The following TMEM132C variants were observed in gnomAD, a reference collection of about 807,000 sequenced individuals.
TMEM132C encodes the protein protein phosphatase 1, regulatory subunit 152.
Under a neutral mutation model 61.4 loss-of-function variants are expected in TMEM132C, and 29 were observed. That is an observed-to-expected ratio of 0.47 (90% confidence interval 0.35 to 0.64). The LOEUF (loss-of-function observed/expected upper bound fraction) is 0.64, where lower values mean the gene tolerates loss of function less well. TMEM132C is among the 30% of genes least tolerant of loss of function. The probability of loss-of-function intolerance (pLI) is 0.00; values close to 1 mark genes in which losing one functional copy is unlikely to be tolerated. For synonymous variants in TMEM132C, 656 were observed against 633.1 expected (o/e 1.04, Z -0.54); for missense variants, 1,408 against 1,476.9 (o/e 0.95, Z 0.76).
chr12:128,515,848 A>G (rs2136122797), intron 2 of TMEM132C, among the ~76,000 whole-genome samples: 1 of 151,808 alleles, frequency 6.6e-6, no homozygotes, highest in East Asian at 1.9e-4. Context: ...AAAAAAAAAA[A>G]GTATCTTTGA....
chr12:128,649,994 T>C (rs1342528437), intron 4 of TMEM132C, among the ~76,000 whole-genome samples: 2 of 152,154 alleles, frequency 1.3e-5, no homozygotes, highest in African/African-American at 4.8e-5. Flanking sequence ...CCAGAATTAT[T>C]GGTCTGTTAC....
At chr12:128,599,358 A>C (rs943705129) in intron 3 of TMEM132C, among the ~76,000 whole-genome samples, 1 of 152,228 alleles carries the variant, frequency 6.6e-6, no homozygotes. Context: ...AAGAATAAGA[A>C]GTACCCAGTG....
intron 2 of TMEM132C, among the ~76,000 whole-genome samples, chr12:128,464,804 GGGAGGA>G (rs1870671774): frequency 6.6e-6 from 1 of 151,138 alleles, no homozygotes; most frequent in African/African-American, 2.4e-5. Flanking sequence ...GAGGGAGGGA[GGGAGGA>G]AGGAAGAAAA....
At chr12:128,619,905 C>T (rs1222790584) in intron 4 of TMEM132C, among the ~76,000 whole-genome samples, 4 of 152,152 alleles carry the variant, frequency 2.6e-5, no homozygotes. Context: ...TTTCTGTATG[C>T]GAGTGGCTGG....
intron 2 of TMEM132C, among the ~76,000 whole-genome samples, chr12:128,521,995 G>A (rs1253642318): frequency 1.3e-5 from 2 of 152,122 alleles, no homozygotes; most frequent in African/African-American, 4.8e-5. Context: ...CTAAATACAT[G>A]AGGTCTTTGT....
At chr12:128,529,744 C>T (rs769132471) in intron 2 of TMEM132C, among the ~76,000 whole-genome samples, 3 of 152,070 alleles carry the variant, frequency 2.0e-5, no homozygotes, top group Non-Finnish European at 4.4e-5. Flanking sequence ...CGAGATCGTG[C>T]CACTGCACTC....
chr12:128,560,693 C>T (rs1041800780), intron 3 of TMEM132C, among the ~76,000 whole-genome samples: 2 of 152,174 alleles, frequency 1.3e-5, no homozygotes, highest in African/African-American at 2.4e-5. Context: ...ATCGCCCTCA[C>T]GTCTGTGTGT....
intron 4 of TMEM132C, among the ~76,000 whole-genome samples, chr12:128,629,797 C>A (rs943752612): frequency 6.6e-6 from 1 of 152,076 alleles, no homozygotes. Context: ...GAGACTCAGT[C>A]TCTACTAAAA....
In TMEM132C at chr12:128,543,945, T is replaced by C. The variant is rs879751998; in HGVS notation, c.975-12T>C. The C allele has an allele frequency of 1.6e-5, 25 of 1,542,642 alleles. No individual in the cohort carries two copies. Among genetic ancestry groups the C allele is most frequent in the Non-Finnish European group, 2.1e-5 (24 of 1,143,184 alleles). On this transcript the variant is annotated splice_polypyrimidine_tract_variant and intron_variant, in intron 2 of 8. Transcript: ENST00000435159. ...CCCTGTCTCTCTCTCTCTCCCATCTTCATCCCCACAGAGCCAAGGTGAAGA... is the reference window on the plus strand; with the variant it reads ...CCCTGTCTCTCTCTCTCTCCCATCTCCATCCCCACAGAGCCAAGGTGAAGA...
At chr12:128,547,869 G>T (rs909088642) in intron 3 of TMEM132C, among the ~76,000 whole-genome samples, 1 of 152,158 alleles carries the variant, frequency 6.6e-6, no homozygotes, top group African/African-American at 2.4e-5. Context: ...TTCTTCAAAG[G>T]CACAAACACC....
At chr12:128,579,400 T>A (rs1337153439) in intron 3 of TMEM132C, among the ~76,000 whole-genome samples, 1 of 152,218 alleles carries the variant, frequency 6.6e-6, no homozygotes, top group Non-Finnish European at 1.5e-5. Flanking sequence ...AAACTGTCAC[T>A]TTGTGAATAT....
At chr12:128,469,487 C>T (rs7959639) in intron 2 of TMEM132C, among the ~76,000 whole-genome samples, 11,160 of 151,754 alleles carry the variant, frequency 0.074, 1,335 homozygotes, top group African/African-American at 0.25. Context: ...AGCTAACTTT[C>T]TGTATGTTTG....
chr12:128,603,921 G>T (rs1876298174), intron 3 of TMEM132C, among the ~76,000 whole-genome samples: 1 of 152,180 alleles, frequency 6.6e-6, no homozygotes. Flanking sequence ...GTCAGGACAG[G>T]GAAGAACCCC....
chr12:128,604,114 G>A (rs1876305189), intron 3 of TMEM132C, among the ~76,000 whole-genome samples: 1 of 152,214 alleles, frequency 6.6e-6, no homozygotes, highest in Admixed American at 6.5e-5. Context: ...GTATGAGTCA[G>A]GGTTCCCCAG....
intron 1 of TMEM132C, among the ~76,000 whole-genome samples, chr12:128,394,585 TGA>T (rs1874878407): frequency 2.0e-5 from 3 of 152,250 alleles, no homozygotes. Context: ...CAACATCTAG[TGA>T]CTCCTTCTTG....
rs550449518 is a variant in TMEM132C, at chr12:128,267,218, C to T, written c.-185C>T. On this transcript the variant is annotated 5_prime_UTR_variant, in exon 1 of 9. Coordinates refer to ENST00000435159, the MANE Select transcript of TMEM132C (RefSeq NM_001136103.3). The stretch of plus-strand genomic sequence containing the variant: ...CGAGCAGCGGCGGAGCCGGAGCCGC[C>T]AGAGCCAGAGCCGGAGCTGCGGCGG... Among the ~76,000 whole-genome samples, 3,705 of 146,866 alleles carry T rather than the reference C, an allele frequency of 0.025. 163 individuals carry two copies. Among genetic ancestry groups the T allele is most frequent in the African/African-American group, 0.086 (3,523 of 40,896 alleles).
At chr12:128,374,870 G>A (rs910996277) in intron 1 of TMEM132C, among the ~76,000 whole-genome samples, 3 of 149,708 alleles carry the variant, frequency 2.0e-5, no homozygotes, top group Non-Finnish European at 4.4e-5. Context: ...GCAGTGAGCC[G>A]AGATTGCGCC....
rs531571293 is a variant in TMEM132C at position 128,575,553 on chromosome 12, A to T, written c.1121+31450A>T. Among the ~76,000 whole-genome samples, 16 of 152,372 alleles carry T rather than the reference A, an allele frequency of 1.1e-4. No homozygotes were observed. In the South Asian group the frequency reaches 3.3e-3, roughly 32 times the overall value. On this transcript the variant is annotated intron_variant, in intron 3 of 8. Coordinates refer to ENST00000435159, the MANE Select transcript of TMEM132C (RefSeq NM_001136103.3). ...AACGATTCATGAGTCTATAAAATGT[A>T]GGATTTCAAAGGAAATTTTATCAAT...
intron 1 of TMEM132C, among the ~76,000 whole-genome samples, chr12:128,387,505 T>A (rs150783393): frequency 5.2e-4 from 79 of 152,288 alleles, no homozygotes; most frequent in African/African-American, 1.9e-3. Flanking sequence ...TTGTTCTCAA[T>A]TCATTATGAT....
Sources: gnomAD v4.1 joint callset for allele counts (sites outside exome capture counted in the v4.1 genomes callset) on GRCh38, gnomAD v4.1.1 for gene constraint, MANE v1.5 for transcripts, NCBI Gene and HGNC (gene_info 2026-07-23, HGNC 2026-07-21) for gene names.